Variants in NPFFR2 observed in about 807,000 individuals in gnomAD.
NPFFR2 encodes G-protein coupled receptor 74.
A neutral mutation model predicts 13.1 loss-of-function variants in NPFFR2; 15 were observed. The observed-to-expected ratio is 1.15, with a 90% CI of 0.77 to 1.76. The LOEUF (loss-of-function observed/expected upper bound fraction) is 1.76. NPFFR2 is among the 40% of genes most tolerant of loss of function. The pLI, the probability that NPFFR2 is intolerant of heterozygous loss-of-function variation, is 0.00. For synonymous variants in NPFFR2, 190 were observed against 175.7 expected, an observed-to-expected ratio of 1.08 and a Z score of -0.65; for missense variants, 572 against 503.5, an observed-to-expected ratio of 1.14 and a Z score of -1.30.
chr4:72,059,851 C>G (rs1008089207), intron 1 of NPFFR2, among the ~76,000 whole-genome samples: 32 of 152,094 alleles, frequency 2.1e-4, no homozygotes, highest in African/African-American at 7.7e-4. Context: ...CTCCGTAAGT[C>G]TCCGCTATAA....
chr4:72,045,862 A>G (rs1230835308), intron 1 of NPFFR2, among the ~76,000 whole-genome samples: 1 of 152,132 alleles, frequency 6.6e-6, no homozygotes, highest in Non-Finnish European at 1.5e-5. Context: ...AATGTTGGAA[A>G]CTGTGTGTAT....
intron 1 of NPFFR2, among the ~76,000 whole-genome samples, chr4:72,076,524 T>C (rs1720441450): frequency 6.6e-6 from 1 of 152,116 alleles, no homozygotes; most frequent in African/African-American, 2.4e-5. Context: ...CATGATTTGA[T>C]ATGAAAATAA....
intron 1 of NPFFR2, among the ~76,000 whole-genome samples, chr4:72,112,849 G>A (rs754002408): frequency 6.6e-6 from 1 of 151,832 alleles, no homozygotes; most frequent in Non-Finnish European, 1.5e-5. Flanking sequence ...TCAGGAGAGG[G>A]TTGCTATGCT....
chr4:72,111,563 A>G (rs1024586349), intron 1 of NPFFR2, among the ~76,000 whole-genome samples: 4 of 151,992 alleles, frequency 2.6e-5, no homozygotes, highest in African/African-American at 9.7e-5. Context: ...CAATAATCAT[A>G]CCTCAAGTAT....
At chr4:72,142,047 T>A (rs2109847786) in intron 3 of NPFFR2, among the ~76,000 whole-genome samples, 1 of 152,330 alleles carries the variant, frequency 6.6e-6, no homozygotes, top group Admixed American at 6.5e-5. Context: ...CTTTGTCAGT[T>A]TAACGTCTGT....
At chr4:72,036,440 T>C (rs568528655) in intron 1 of NPFFR2, among the ~76,000 whole-genome samples, 2 of 151,932 alleles carry the variant, frequency 1.3e-5, no homozygotes, top group East Asian at 1.9e-4. Context: ...TCAGAGTTAT[T>C]TGTGAAACTT....
intron 2 of NPFFR2, among the ~76,000 whole-genome samples, chr4:72,131,990 C>G (rs1397105511): frequency 6.6e-6 from 1 of 151,322 alleles, no homozygotes; most frequent in African/African-American, 2.4e-5. Context: ...TTATCACTCC[C>G]AGACAAGTTT....
chr4:72,146,436 A>G (rs1325019196), intron 3 of NPFFR2: 1 of 152,294 alleles, frequency 6.6e-6, no homozygotes, highest in Non-Finnish European at 1.5e-5. Flanking sequence ...CTATTGGTCA[A>G]AGCAAGTTAC....
intron 1 of NPFFR2, among the ~76,000 whole-genome samples, chr4:72,087,940 C>T (rs1171151728): frequency 1.3e-5 from 2 of 151,896 alleles, no homozygotes; most frequent in African/African-American, 2.4e-5. Context: ...ATCATCCCCC[C>T]AAAAATAGCC....
At chr4:72,032,324 T>C (rs878944808) in intron 1 of NPFFR2, 124 bp downstream of exon 1, 1 of 1,122,184 alleles carries the variant, frequency 8.9e-7, no homozygotes, top group Admixed American at 2.9e-5. Context: ...ATTTTTCAAA[T>C]CCCTTCCTAA....
intron 3 of NPFFR2, 88 bp downstream of exon 3, chr4:72,138,227 C>T: frequency 7.7e-6 from 6 of 779,536 alleles, no homozygotes; most frequent in African/African-American, 1.7e-5. Context: ...TAAATTTGGA[C>T]ATATCTTTTC....
At chr4:72,052,592 G>C (rs189756456) in intron 1 of NPFFR2, among the ~76,000 whole-genome samples, 18 of 152,148 alleles carry the variant, frequency 1.2e-4, no homozygotes, top group African/African-American at 4.1e-4. Flanking sequence ...GCACAAGACA[G>C]GGATGCCTTC....
rs961265417 is a variant in NPFFR2 at position 72,129,040 on chromosome 4, T to A, written c.328+121T>A. ...CATATATTTATGGAATTCCAGGAAC[T>A]GATCCAGGCACCTGCCCTCATTGGA... On this transcript the variant is annotated intron_variant, in intron 2 of 3. Coordinates refer to ENST00000308744, the MANE Select transcript of NPFFR2 (RefSeq NM_004885.3). The A allele has an allele frequency of 6.7e-6, 5 of 747,016 alleles. No homozygotes were observed. In the South Asian group the frequency reaches 9.5e-5, roughly 14 times the overall value. The allele number at this position is 747,016 out of a possible 1,614,324, so 46.3% of individuals were successfully genotyped here. A position where few individuals can be genotyped will look rare whatever the true frequency, so the allele number is the denominator to read the frequency against.
intron 1 of NPFFR2, among the ~76,000 whole-genome samples, chr4:72,062,612 G>C (rs1458733278): frequency 6.6e-6 from 1 of 151,732 alleles, no homozygotes; most frequent in Admixed American, 6.6e-5. Flanking sequence ...GCATAAAGAC[G>C]TGAAATCTTC....
At chr4:72,079,223 C>T (rs964539529) in intron 1 of NPFFR2, among the ~76,000 whole-genome samples, 1 of 151,820 alleles carries the variant, frequency 6.6e-6, no homozygotes, top group Non-Finnish European at 1.5e-5. Flanking sequence ...TTTCTTACAA[C>T]TATGTGTGAG....
At chr4:72,044,990 T>C (rs1719334989) in intron 1 of NPFFR2, among the ~76,000 whole-genome samples, 1 of 152,156 alleles carries the variant, frequency 6.6e-6, no homozygotes, top group South Asian at 2.1e-4. Flanking sequence ...CTGAATTGTT[T>C]CCCTATTTTT....
At position 72,147,033 on chromosome 4, in the gene NPFFR2, G is replaced by A. The variant is rs1363271480; in HGVS notation, c.484G>A (p.Val162Ile). The A allele has an allele frequency of 6.2e-7, 1 of 1,614,132 alleles. No individual in the cohort carries two copies. Among genetic ancestry groups the A allele is most frequent in the South Asian group, 1.1e-5 (1 of 91,080 alleles). ...AAAGCTCACTATCAAGACAGCGTTT[G>A]TCATTATTATGATCATCTGGGTCCT... ...KPKLTIKTAFVIIMIIWVLAI... is the reference protein window; with the variant it reads ...KPKLTIKTAFIIIMIIWVLAI... The change falls in exon 4 of 4, where the codon GTC becomes ATC. Residue 162 changes from valine to isoleucine, a missense_variant. Coordinates refer to ENST00000308744, the MANE Select transcript of NPFFR2 (RefSeq NM_004885.3).
At chr4:72,135,803 A>G (rs1722390257) in intron 2 of NPFFR2, among the ~76,000 whole-genome samples, 1 of 145,650 alleles carries the variant, frequency 6.9e-6, no homozygotes, top group South Asian at 2.3e-4. Context: ...TTGCATTTAA[A>G]AATTGTTTTA....
Position 72,128,566 on chromosome 4 carries a change from C to A in NPFFR2, c.-7-19C>A. The A allele has an allele frequency of 4.0e-6, 6 of 1,486,728 alleles. No individual in the cohort carries two copies. The highest frequency in any genetic ancestry group is 5.5e-6 in the Non-Finnish European group (6 of 1,092,634). 92.1% of individuals were successfully genotyped at this position (1,486,728 alleles called of 1,614,324 possible). On this transcript the variant is annotated intron_variant, in intron 1 of 3. Transcript: ENST00000308744. Reference sequence around the variant, plus strand: ...TGGTTCCTAATTATGTTTTTCTTTTCTGTCTCTTCTTTATTAAGGTTCATC... The same window carrying A: ...TGGTTCCTAATTATGTTTTTCTTTTATGTCTCTTCTTTATTAAGGTTCATC...
Sources: allele counts gnomAD v4.1 joint callset (sites outside exome capture counted in the v4.1 genomes callset), GRCh38; gene constraint gnomAD v4.1.1; transcripts MANE v1.5; gene names NCBI Gene and HGNC (gene_info 2026-07-23, HGNC 2026-07-21).